Variants in KLHL29 observed in about 807,000 individuals in gnomAD.
The protein encoded by KLHL29 is kelch like family member 29.
A neutral mutation model predicts 80.4 loss-of-function variants in KLHL29; 21 were observed. The ratio of observed to expected loss-of-function variants is 0.26; its 90% CI spans 0.19 to 0.38. The LOEUF is 0.38. KLHL29 is among the 10% of genes least tolerant of loss of function. The pLI, the probability that KLHL29 is intolerant of heterozygous loss-of-function variation, is 1.00. For synonymous variants in KLHL29, 511 were observed against 526.8 expected (o/e 0.97, Z 0.41); for missense variants, 867 against 1,223.9 (o/e 0.71, Z 4.35).
chr2:23,655,106 G>A (rs918983346), intron 5 of KLHL29, among the ~76,000 whole-genome samples: 1 of 152,196 alleles, frequency 6.6e-6, no homozygotes, highest in Non-Finnish European at 1.5e-5. Context: ...TGGATGGGTG[G>A]GTAGGTAGAT....
intron 3 of KLHL29, among the ~76,000 whole-genome samples, chr2:23,603,508 C>A (rs1176230355): frequency 6.6e-6 from 1 of 152,210 alleles, no homozygotes; most frequent in Non-Finnish European, 1.5e-5. Context: ...TCCTACCCAG[C>A]CAGTTGCTTT....
At chr2:23,497,402 G>A (rs1665300364) in intron 2 of KLHL29, among the ~76,000 whole-genome samples, 1 of 152,118 alleles carries the variant, frequency 6.6e-6, no homozygotes, top group Non-Finnish European at 1.5e-5. Flanking sequence ...CTCTAGCAGT[G>A]CACGTGCTCT....
intron 1 of KLHL29, among the ~76,000 whole-genome samples, chr2:23,437,782 T>G (rs1413076334): frequency 6.6e-6 from 1 of 152,236 alleles, no homozygotes; most frequent in Non-Finnish European, 1.5e-5. Flanking sequence ...AGGATTGACT[T>G]GGTGATGCAG....
intron 5 of KLHL29, among the ~76,000 whole-genome samples, chr2:23,649,115 G>C (rs1462944426): frequency 6.6e-6 from 1 of 152,132 alleles, no homozygotes; most frequent in African/African-American, 2.4e-5. Context: ...TTAGCCTCAG[G>C]ACCACCACTG....
intron 2 of KLHL29, chr2:23,532,630 T>C: frequency 2.2e-6 from 1 of 456,730 alleles, no homozygotes; most frequent in South Asian, 1.5e-5. Flanking sequence ...TGTAAGATTA[T>C]CTTAACTTGG....
chr2:23,551,944 C>T (rs138010863), intron 2 of KLHL29, among the ~76,000 whole-genome samples: 2 of 152,268 alleles, frequency 1.3e-5, no homozygotes, highest in African/African-American at 4.8e-5. Flanking sequence ...GGGCTTCACC[C>T]TCTTGCTTTT....
intron 1 of KLHL29, among the ~76,000 whole-genome samples, chr2:23,413,972 T>G (rs1666925213): frequency 6.6e-6 from 1 of 152,236 alleles, no homozygotes; most frequent in African/African-American, 2.4e-5. Context: ...GAAAAGAGGC[T>G]GCTGTTCTCA....
rs1027454913 is a variant in KLHL29, at chr2:23,596,148, C to A, written c.285+33667C>A. Among the ~76,000 whole-genome samples, 1 of 152,198 alleles carries A rather than the reference C, an allele frequency of 6.6e-6. No individual in the cohort carries two copies. The highest frequency in any genetic ancestry group is 2.4e-5 in the African/African-American group (1 of 41,442). On this transcript the variant is annotated intron_variant, in intron 3 of 13. Coordinates refer to ENST00000486442, the MANE Select transcript of KLHL29 (RefSeq NM_052920.2). The surrounding 1 kb of genome is among the most constrained non-coding windows in gnomAD (Gnocchi z 4.4). ...GAACTGAGCCGCATACAATAGAGCACCCTCGGCAGCCAGCCGGACGGGCAG... is the reference window on the plus strand; with the variant it reads ...GAACTGAGCCGCATACAATAGAGCAACCTCGGCAGCCAGCCGGACGGGCAG...
intron 3 of KLHL29, among the ~76,000 whole-genome samples, chr2:23,580,244 C>T (rs1466719841): frequency 4.6e-5 from 7 of 152,000 alleles, no homozygotes; most frequent in Admixed American, 1.3e-4. Flanking sequence ...TGGTGGCAGG[C>T]GCCTGTAGTC....
intron 3 of KLHL29, among the ~76,000 whole-genome samples, chr2:23,632,592 C>A (rs562191710): frequency 6.6e-6 from 1 of 152,356 alleles, no homozygotes; most frequent in African/African-American, 2.4e-5. Context: ...ATGATTCCCC[C>A]CAGGGCAAGC....
At chr2:23,488,501 G>A (rs1158772250) in intron 2 of KLHL29, among the ~76,000 whole-genome samples, 1 of 152,228 alleles carries the variant, frequency 6.6e-6, no homozygotes, top group East Asian at 1.9e-4. Flanking sequence ...ATGAGACCGT[G>A]ACCCAGCTCC....
In KLHL29 at chr2:23,497,087, T is replaced by C. The variant is rs145539031; in HGVS notation, c.-46+21420T>C. 3.3e-4 allele frequency among the ~76,000 whole-genome samples: 50 copies of C among 152,262 alleles called. 1 individual carries two copies. The highest frequency in any genetic ancestry group is 1.1e-3 in the African/African-American group (47 of 41,550). On this transcript the variant is annotated intron_variant, in intron 2 of 13. Coordinates refer to ENST00000486442, the MANE Select transcript of KLHL29 (RefSeq NM_052920.2). Reference sequence around the variant, plus strand: ...AAAAAAAAAAAAACTATGAGCCCTTTAGAATGACTTAATGTCCAATCATAG... The same window carrying C: ...AAAAAAAAAAAAACTATGAGCCCTTCAGAATGACTTAATGTCCAATCATAG...
chr2:23,659,961 C>T (rs1047494602), intron 5 of KLHL29, among the ~76,000 whole-genome samples: 1 of 152,084 alleles, frequency 6.6e-6, no homozygotes, highest in Non-Finnish European at 1.5e-5. Flanking sequence ...TCTCACTAAG[C>T]CCCTCACCTG....
At chr2:23,500,605 C>T (rs998544657) in intron 2 of KLHL29, among the ~76,000 whole-genome samples, 1 of 152,166 alleles carries the variant, frequency 6.6e-6, no homozygotes, top group Non-Finnish European at 1.5e-5. Context: ...GATGGGCAAC[C>T]AACTGTGACT....
chr2:23,652,346 G>A (rs1309642166), intron 5 of KLHL29, among the ~76,000 whole-genome samples: 5 of 152,208 alleles, frequency 3.3e-5, no homozygotes, highest in Non-Finnish European at 7.3e-5. Context: ...AGGAACCACC[G>A]ATCGCTAGAC....
chr2:23,676,471 C>T (rs953294906), intron 5 of KLHL29, among the ~76,000 whole-genome samples: 1 of 152,178 alleles, frequency 6.6e-6, no homozygotes, highest in Admixed American at 6.5e-5. Flanking sequence ...AGTGAGCCAC[C>T]GCACCTGGCC....
At chr2:23,614,065 C>T (rs1044115872) in intron 3 of KLHL29, among the ~76,000 whole-genome samples, 1 of 152,152 alleles carries the variant, frequency 6.6e-6, no homozygotes. Context: ...GAGATAGATG[C>T]GTATCTGACG....
chr2:23,498,110 C>A (rs904370359), intron 2 of KLHL29, among the ~76,000 whole-genome samples: 3 of 152,192 alleles, frequency 2.0e-5, no homozygotes, highest in African/African-American at 7.2e-5. Flanking sequence ...GCACCAAAAT[C>A]TACTCTTAGC....
At chr2:23,575,940 G>A (rs1558394352) in intron 3 of KLHL29, among the ~76,000 whole-genome samples, 1 of 152,316 alleles carries the variant, frequency 6.6e-6, no homozygotes, top group East Asian at 1.9e-4. Context: ...AATTCCTCTA[G>A]CACCCGCAAG....
Sources: gnomAD v4.1 joint callset for allele counts (sites outside exome capture counted in the v4.1 genomes callset) on GRCh38, gnomAD v4.1.1 for gene constraint, Gnocchi (gnomAD v3.1) non-coding constraint, MANE v1.5 for transcripts, NCBI Gene and HGNC (gene_info 2026-07-23, HGNC 2026-07-21) for gene names.